Variants in RPL14 observed in about 807,000 individuals in gnomAD.
The protein encoded by RPL14 is large ribosomal subunit protein eL14.
RPL14 carries 4 observed loss-of-function variants against 25.3 expected under a neutral mutation model. The observed-to-expected ratio is 0.16, with a 90% CI of 0.08 to 0.36. RPL14 has a LOEUF of 0.36. Ranked by LOEUF, RPL14 falls within the 10% of genes least tolerant of loss-of-function variation. The pLI is 1.00. For synonymous variants in RPL14, 75 were observed against 89.8 expected (o/e 0.84, Z 0.93); for missense variants, 212 against 261.9 (o/e 0.81, Z 1.31).
At position 40,462,342 on chromosome 3, in the gene RPL14, AG is replaced by A; in HGVS notation, c.*112del. The A allele has an allele frequency of 1.1e-6, 1 of 911,728 alleles. No homozygotes were observed. The highest frequency in any genetic ancestry group is 1.6e-6 in the Non-Finnish European group (1 of 618,840). 56.5% of individuals were successfully genotyped at this position (911,728 alleles called of 1,614,324 possible). A position where few individuals can be genotyped will look rare whatever the true frequency, so the allele number is the denominator to read the frequency against. Reference sequence around the variant, plus strand: ...TGGAGTTAGGAGGCAGATTGATAGTAGGATTATAATAAACATTAAATAATCA... The same window carrying A: ...TGGAGTTAGGAGGCAGATTGATAGTAGATTATAATAAACATTAAATAATCA... On this transcript the variant is annotated 3_prime_UTR_variant, in exon 6 of 6. Transcript: ENST00000396203.
chr3:40,461,283 A>C, intron 3 of RPL14, 124 bp from the exon 4 acceptor site: 1 of 725,780 alleles, frequency 1.4e-6, no homozygotes, highest in Non-Finnish European at 2.3e-6. Flanking sequence ...AAAAATAAGT[A>C]AAATACATAG....
intron 3 of RPL14, among the ~76,000 whole-genome samples, chr3:40,459,858 C>CAAAAA (rs10682822): frequency 0.019 from 1,753 of 90,894 alleles, 189 homozygotes; most frequent in African/African-American, 0.071. Flanking sequence ...GACTCCGTTT[C>CAAAAA]AAAAAAAAAA....
Position 40,457,428 on chromosome 3 carries a change from G to GA in RPL14, c.-42dup, listed in dbSNP as rs1559527645. 1 of 1,588,096 alleles carries GA rather than the reference G, an allele frequency of 6.3e-7. No individual in the cohort carries two copies. Among genetic ancestry groups the GA allele is most frequent in the Non-Finnish European group, 8.6e-7 (1 of 1,166,882 alleles). On this transcript the variant is annotated 5_prime_UTR_variant, in exon 1 of 6. An upstream open reading frame in the 5' UTR loses its in-frame stop. Transcript: ENST00000396203. ...GCCGCTCGACCTCCACCTCCGCTGG[G>GA]AAGCTGAGGCGCCAAACGGCTCCCA... is the stretch of plus-strand genomic sequence containing the variant.
At chr3:40,457,865 A>G (rs1305160770) in intron 1 of RPL14, 25 bp from the exon 2 acceptor site, 2 of 1,599,140 alleles carry the variant, frequency 1.3e-6, no homozygotes, top group Non-Finnish European at 1.7e-6. Flanking sequence ...AGTAAGTTTC[A>G]CTGTCCTTTC....
Position 40,462,232 on chromosome 3 carries a change from AGTGGCAAT to A in RPL14, c.*1_*8del. ...CAAAGGCATCTGGCAAGAAAGCATA[AGTGGCAAT>A]CATAAAAAGTAATAAAGGTTCTTTT... is the stretch of plus-strand genomic sequence containing the variant. On this transcript the variant is annotated 3_prime_UTR_variant, in exon 6 of 6. Transcript: ENST00000396203. The A allele has an allele frequency of 6.3e-7, 1 of 1,580,700 alleles. No homozygotes were observed. The highest frequency in any genetic ancestry group is 1.7e-4 in the Middle Eastern group (1 of 5,880).
At chr3:40,460,620 T>TG (rs1696923365) in intron 3 of RPL14, among the ~76,000 whole-genome samples, 1 of 150,964 alleles carries the variant, frequency 6.6e-6, no homozygotes, top group Non-Finnish European at 1.5e-5. Context: ...TTGAGGGTTT[T>TG]TTTTTTCTTT....
chr3:40,462,025 G>A lies in RPL14; in HGVS notation c.441G>A (p.Lys147=), dbSNP rs1202180936. 9.7e-6 allele frequency: 4 copies of A among 412,274 alleles called. No homozygotes were observed. Among genetic ancestry groups the A allele is most frequent in the African/African-American group, 7.4e-5 (3 of 40,388 alleles). The allele number at this position is 412,274 out of a possible 1,614,324, so 25.5% of individuals were successfully genotyped here. ...KASPKKAPGT[K]GTAAAAAAAA... is the part of the protein sequence containing the mutation. Reference sequence around the variant, plus strand: ...CTCCCAAAAAAGCACCTGGTACTAAGGGTACTGCTGCTGCTGCTGCTGCTG... The same window carrying A: ...CTCCCAAAAAAGCACCTGGTACTAAAGGTACTGCTGCTGCTGCTGCTGCTG... The change falls in exon 6 of 6, where the codon AAG becomes AAA. Residue 147 remains lysine, a synonymous_variant. Coordinates refer to ENST00000396203, the MANE Select transcript of RPL14 (RefSeq NM_001034996.3).
In RPL14 at chr3:40,465,145, A is replaced by C. The variant is rs544554191; in HGVS notation, c.*2913A>C. ...ATATGTAAGTGGTCACTGATTCCCC[A>C]GGGGTAGGATGACAACAATCAAGAG... On this transcript the variant is annotated 3_prime_UTR_variant, in exon 6 of 6. Transcript: ENST00000396203. The C allele has an allele frequency of 6.6e-6, 1 of 151,834 alleles. No individual in the cohort carries two copies. Among genetic ancestry groups the C allele is most frequent in the South Asian group, 2.1e-4 (1 of 4,780 alleles). 9.4% of individuals were successfully genotyped at this position (151,834 alleles called of 1,614,324 possible). A position where few individuals can be genotyped will look rare whatever the true frequency, so the allele number is the denominator to read the frequency against.
intron 1 of RPL14, 70 bp from the exon 2 acceptor site, chr3:40,457,820 G>C (rs947185584): frequency 2.9e-6 from 4 of 1,376,938 alleles, no homozygotes; most frequent in Non-Finnish European, 4.1e-6. Context: ...GTTGTCTTTA[G>C]CTGCAGAAGG....
At chr3:40,457,526 G>A in intron 1 of RPL14, 52 bp downstream of exon 1, 3 of 1,415,544 alleles carry the variant, frequency 2.1e-6, no homozygotes, top group African/African-American at 1.5e-5. Flanking sequence ...TCCCGGACTC[G>A]CGCCCTTCCC....
At chr3:40,459,132 C>G (rs765640105) in intron 3 of RPL14, 1 of 191,186 alleles carries the variant, frequency 5.2e-6, no homozygotes, top group African/African-American at 2.4e-5. Context: ...TGCAGAGAGC[C>G]GTGATCATGC....
intron 2 of RPL14, chr3:40,458,339 A>G (rs1226424264): frequency 3.9e-6 from 2 of 514,492 alleles, no homozygotes; most frequent in South Asian, 2.5e-5. Flanking sequence ...GGAGTTGACC[A>G]CTGACTATAA....
At chr3:40,461,538 CT>C (rs1696936754) in intron 4 of RPL14, 32 bp downstream of exon 4, 1 of 1,610,874 alleles carries the variant, frequency 6.2e-7, no homozygotes, top group South Asian at 1.1e-5. Context: ...AATTCTGGTC[CT>C]TTCTTTTTTT....
At chr3:40,458,562 A>G in intron 2 of RPL14, 80 bp from the exon 3 acceptor site, 1 of 1,087,754 alleles carries the variant, frequency 9.2e-7, no homozygotes, top group South Asian at 1.3e-5. Context: ...CCCTGAACGG[A>G]TAAGTAATGT....
intron 4 of RPL14, 32 bp from the exon 5 acceptor site, chr3:40,461,576 A>G (rs1306969161): frequency 3.1e-6 from 5 of 1,599,838 alleles, no homozygotes; most frequent in Non-Finnish European, 4.3e-6. Flanking sequence ...TGTGAGAGGG[A>G]TAATTTTTAT....
At chr3:40,461,709 AG>A (rs1480747366) in intron 5 of RPL14, 48 bp downstream of exon 5, 2 of 1,515,444 alleles carry the variant, frequency 1.3e-6, no homozygotes, top group South Asian at 1.2e-5. Flanking sequence ...TTAAATAATA[AG>A]GGAGCAGTAG....
At chr3:40,458,024 G>C in intron 2 of RPL14, 33 bp downstream of exon 2, 2 of 1,532,102 alleles carry the variant, frequency 1.3e-6, no homozygotes, top group Non-Finnish European at 1.8e-6. Context: ...AAACATGGCA[G>C]TGGACATGTG....
rs560211788 is a variant in RPL14, at chr3:40,466,866, A to G, written c.*4634A>G. 6.6e-5 allele frequency: 10 copies of G among 152,332 alleles called. No homozygotes were observed. The South Asian group carries it at 1.9e-3, about 28-fold the overall frequency. The allele number at this position is 152,332 out of a possible 1,614,324, so 9.4% of individuals were successfully genotyped here. On this transcript the variant is annotated 3_prime_UTR_variant, in exon 6 of 6. Coordinates refer to ENST00000396203, the MANE Select transcript of RPL14 (RefSeq NM_001034996.3). ...TCTCTAAGTAATTGGCATGTCCTCT[A>G]ATTCATATTTTCCCCCCTCATCTGT...
chr3:40,468,484 G>T lies in RPL14; in HGVS notation c.*6252G>T, dbSNP rs1179856518. The T allele has an allele frequency of 6.6e-6, 1 of 152,096 alleles. No individual in the cohort carries two copies. Among genetic ancestry groups the T allele is most frequent in the African/African-American group, 2.4e-5 (1 of 41,414 alleles). The allele number at this position is 152,096 out of a possible 1,614,324, so 9.4% of individuals were successfully genotyped here. ...CCGAGTTCTGTATTTATTCTATTTG[G>T]ATAGCCATTAGATAGCCATTAAGTC... On this transcript the variant is annotated 3_prime_UTR_variant, in exon 6 of 6. Coordinates refer to ENST00000396203, the MANE Select transcript of RPL14 (RefSeq NM_001034996.3).
Sources: allele counts gnomAD v4.1 joint callset (sites outside exome capture counted in the v4.1 genomes callset), GRCh38; gene constraint gnomAD v4.1.1; transcripts MANE v1.5; gene names NCBI Gene and HGNC (gene_info 2026-07-23, HGNC 2026-07-21).